STPG2: variants seen among roughly 807,000 people sequenced by gnomAD.
The protein encoded by STPG2 is sperm tail PG-rich repeat containing 2.
Under a neutral mutation model 54.2 loss-of-function variants are expected in STPG2, and 56 were observed. The observed-to-expected ratio is 1.03, with a 90% CI of 0.83 to 1.29. STPG2 has a LOEUF of 1.29. Among genes scored for constraint, STPG2 ranks in the 50% most tolerant of loss-of-function variants. The pLI is 0.00. For missense variants in STPG2, 596 were observed against 544.9 expected (o/e 1.09, Z -0.93); for synonymous variants, 200 against 181.8 (o/e 1.10, Z -0.81).
At chr4:98,062,392 C>T (rs1737687704) in intron 5 of STPG2, among the ~76,000 whole-genome samples, 1 of 151,968 alleles carries the variant, frequency 6.6e-6, no homozygotes, top group African/African-American at 2.4e-5. Flanking sequence ...TGCAACAAAC[C>T]CCCATGACAT....
At chr4:97,639,848 A>G (rs1721705346) in intron 10 of STPG2, among the ~76,000 whole-genome samples, 1 of 152,072 alleles carries the variant, frequency 6.6e-6, no homozygotes, top group Admixed American at 6.6e-5. Flanking sequence ...AATAAAACTA[A>G]CAATAACAAT....
At chr4:97,918,179 A>C (rs1553924836) in intron 8 of STPG2, among the ~76,000 whole-genome samples, 1 of 152,166 alleles carries the variant, frequency 6.6e-6, no homozygotes, top group Non-Finnish European at 1.5e-5. Flanking sequence ...AAATTACTAA[A>C]CTCCTATATT....
chr4:98,012,612 C>G (rs996511943), intron 5 of STPG2, among the ~76,000 whole-genome samples: 1 of 151,792 alleles, frequency 6.6e-6, no homozygotes, highest in African/African-American at 2.4e-5. Flanking sequence ...TGTTTGTGTC[C>G]TCTCTTATTT....
At chr4:98,016,945 G>C (rs1735967654) in intron 5 of STPG2, among the ~76,000 whole-genome samples, 1 of 152,174 alleles carries the variant, frequency 6.6e-6, no homozygotes, top group Non-Finnish European at 1.5e-5. Flanking sequence ...AAGATATTCA[G>C]TTGGTAGGCA....
intron 9 of STPG2, among the ~76,000 whole-genome samples, chr4:97,775,747 A>T (rs975807963): frequency 2.0e-5 from 3 of 152,196 alleles, no homozygotes; most frequent in Admixed American, 6.5e-5. Flanking sequence ...TGGGAGCAAT[A>T]TGGTAAAGAA....
chr4:97,627,675 G>A (rs902829961), intron 10 of STPG2, among the ~76,000 whole-genome samples: 1 of 152,036 alleles, frequency 6.6e-6, no homozygotes, highest in African/African-American at 2.4e-5. Flanking sequence ...ATGTTTAAAG[G>A]ATATAATTAT....
intron 5 of STPG2, among the ~76,000 whole-genome samples, chr4:98,092,090 A>G (rs532369768): frequency 1.1e-4 from 17 of 152,226 alleles, no homozygotes; most frequent in African/African-American, 3.6e-4. Context: ...TTGAAGAGAT[A>G]AGGTGCTCTC....
At chr4:97,627,869 T>C (rs938072012) in intron 10 of STPG2, among the ~76,000 whole-genome samples, 2 of 152,120 alleles carry the variant, frequency 1.3e-5, no homozygotes, top group African/African-American at 2.4e-5. Context: ...ACGGGGCTGA[T>C]GGATAAGTTT....
At chr4:97,784,763 T>A (rs1054723041) in intron 9 of STPG2, among the ~76,000 whole-genome samples, 1 of 151,976 alleles carries the variant, frequency 6.6e-6, no homozygotes, top group Non-Finnish European at 1.5e-5. Context: ...ATAAGTTTGG[T>A]CTTATAATCA....
chr4:98,092,795 T>C (rs1339041837), intron 5 of STPG2, among the ~76,000 whole-genome samples: 6 of 152,166 alleles, frequency 3.9e-5, no homozygotes, highest in Admixed American at 1.3e-4. Context: ...TAAATTTATA[T>C]AGATGAATAG....
intron 5 of STPG2, among the ~76,000 whole-genome samples, chr4:98,063,528 T>C (rs1209293306): frequency 9.9e-5 from 15 of 152,102 alleles, no homozygotes; most frequent in Admixed American, 9.8e-4. Flanking sequence ...TTATACAATG[T>C]AGCCAAAACT....
chr4:97,881,070 G>A (rs1166854968), intron 8 of STPG2, among the ~76,000 whole-genome samples: 3 of 151,710 alleles, frequency 2.0e-5, no homozygotes, highest in African/African-American at 7.3e-5. Flanking sequence ...AGGAAATAAA[G>A]GAAGTGGGCA....
At chr4:98,102,443 A>T (rs1739065929) in intron 5 of STPG2, among the ~76,000 whole-genome samples, 1 of 152,182 alleles carries the variant, frequency 6.6e-6, no homozygotes, top group Non-Finnish European at 1.5e-5. Flanking sequence ...AATATTTAAT[A>T]TCTGCCCCTT....
In STPG2 at chr4:97,861,128, C is replaced by T. The variant is rs576060229; in HGVS notation, c.1045-20196G>A. Among the ~76,000 whole-genome samples the T allele has an allele frequency of 4.1e-4, 62 of 152,098 alleles. No individual in the cohort carries two copies. The South Asian group carries it at 0.012, about 31-fold the overall frequency. On this transcript the variant is annotated intron_variant, in intron 8 of 10. Coordinates refer to ENST00000295268, the MANE Select transcript of STPG2 (RefSeq NM_174952.3). ...GGGGATTAATAACCAGATACAGGAC[C>T]TCAAACAACTCTATAGGAAAAATAC...
chr4:98,038,573 C>T (rs4292341), intron 5 of STPG2, among the ~76,000 whole-genome samples: 59,826 of 151,526 alleles, frequency 0.39, 12,031 homozygotes, highest in Middle Eastern at 0.46. Context: ...AAGTGTTCCA[C>T]ATAAATGTCA....
rs568535253 is a variant in STPG2, at chr4:98,073,747, A to G, written c.612+32206T>C. On this transcript the variant is annotated intron_variant, in intron 5 of 10. Transcript: ENST00000295268. ...CATCCCAAAAAATATATATAGTAAT[A>G]ATAATAATAAAATTAAGGATAAAAT... Among the ~76,000 whole-genome samples, 29 of 152,236 alleles carry G rather than the reference A, an allele frequency of 1.9e-4. No individual in the cohort carries two copies. In the South Asian group the frequency reaches 5.8e-3, roughly 30 times the overall value.
chr4:97,928,616 G>A (rs1013774887), intron 8 of STPG2, among the ~76,000 whole-genome samples: 2 of 152,162 alleles, frequency 1.3e-5, no homozygotes, highest in South Asian at 4.1e-4. Flanking sequence ...GTCTTTAAGG[G>A]ATTTTTGTTG....
chr4:97,670,382 A>G (rs768533010), intron 10 of STPG2, among the ~76,000 whole-genome samples: 4 of 152,220 alleles, frequency 2.6e-5, no homozygotes, highest in Non-Finnish European at 4.4e-5. Context: ...TGGAATCAAT[A>G]GTGGTTGGTC....
chr4:98,093,159 T>C (rs1025078008), intron 5 of STPG2, among the ~76,000 whole-genome samples: 1 of 152,178 alleles, frequency 6.6e-6, no homozygotes, highest in African/African-American at 2.4e-5. Flanking sequence ...TGTTTTTGCA[T>C]AGTAAAGATT....
Sources: allele counts gnomAD v4.1 joint callset (sites outside exome capture counted in the v4.1 genomes callset), GRCh38; gene constraint gnomAD v4.1.1; transcripts MANE v1.5; gene names NCBI Gene and HGNC (gene_info 2026-07-23, HGNC 2026-07-21).